The following RALYL variants were observed in gnomAD, a reference collection of about 807,000 sequenced individuals.
RALYL encodes the protein RALY RNA binding protein like.
In RALYL, 29 loss-of-function variants were observed where a neutral mutation model predicts 35.1. That is an observed-to-expected ratio of 0.83 (90% CI 0.61 to 1.13). RALYL has a LOEUF of 1.13. Ranked by LOEUF, RALYL falls within the 50% of genes most tolerant of loss-of-function variation. The pLI is 0.00. For synonymous variants in RALYL, 120 were observed against 127.6 expected (o/e 0.94, Z 0.40); for missense variants, 359 against 360.4 (o/e 1.00, Z 0.03).
At chr8:84,467,336 T>C (rs2051854833) in intron 1 of RALYL, among the ~76,000 whole-genome samples, 1 of 151,676 alleles carries the variant, frequency 6.6e-6, no homozygotes, top group South Asian at 2.1e-4. Flanking sequence ...GATTCTGGTA[T>C]GTTGTGTCTT....
intron 1 of RALYL, among the ~76,000 whole-genome samples, chr8:84,475,182 T>G (rs1007734433): frequency 1.1e-4 from 16 of 152,050 alleles, no homozygotes; most frequent in African/African-American, 3.4e-4. Context: ...GTCCTTGTGA[T>G]AGTTTGCTCA....
chr8:84,823,088 G>A (rs1039194762), intron 4 of RALYL, among the ~76,000 whole-genome samples: 2 of 152,014 alleles, frequency 1.3e-5, no homozygotes, highest in South Asian at 2.1e-4. Context: ...ATTTTAAAAC[G>A]TGTAGCATGT....
At chr8:84,476,977 G>T (rs1194183803) in intron 1 of RALYL, among the ~76,000 whole-genome samples, 1 of 152,086 alleles carries the variant, frequency 6.6e-6, no homozygotes, top group Admixed American at 6.6e-5. Flanking sequence ...ACGTGGCAGA[G>T]AAATAATAAT....
At chr8:84,612,516 A>G (rs1390866735) in intron 2 of RALYL, among the ~76,000 whole-genome samples, 1 of 152,046 alleles carries the variant, frequency 6.6e-6, no homozygotes, top group Non-Finnish European at 1.5e-5. Context: ...GAAAGTGACT[A>G]TGCAAAAGAA....
At chr8:84,285,984 C>G (rs189784734) in intron 1 of RALYL, among the ~76,000 whole-genome samples, 14 of 152,034 alleles carry the variant, frequency 9.2e-5, no homozygotes, top group Non-Finnish European at 2.1e-4. Context: ...TAGTAAGAAA[C>G]GTGAGAAATT....
intron 1 of RALYL, among the ~76,000 whole-genome samples, chr8:84,449,604 C>T (rs1442242157): frequency 6.6e-6 from 1 of 151,992 alleles, no homozygotes; most frequent in Non-Finnish European, 1.5e-5. Flanking sequence ...CTTTCTAAAT[C>T]AGAATTTCTA....
chr8:84,297,123 G>A (rs1006294059), intron 1 of RALYL, among the ~76,000 whole-genome samples: 1 of 151,900 alleles, frequency 6.6e-6, no homozygotes, highest in Non-Finnish European at 1.5e-5. Context: ...TGCCACAGGA[G>A]TATGGTTTAC....
At chr8:84,445,769 C>A (rs1349868613) in intron 1 of RALYL, among the ~76,000 whole-genome samples, 1 of 151,528 alleles carries the variant, frequency 6.6e-6, no homozygotes, top group African/African-American at 2.4e-5. Context: ...CCTCTTGTGA[C>A]AACATCAATG....
chr8:84,184,586 G>A (rs776785511), intron 1 of RALYL, among the ~76,000 whole-genome samples, 162 bp downstream of exon 1: 2 of 152,118 alleles, frequency 1.3e-5, no homozygotes, highest in Non-Finnish European at 2.9e-5. Context: ...AGGGAGCCAG[G>A]GAAAACCAAA....
intron 1 of RALYL, among the ~76,000 whole-genome samples, chr8:84,415,105 A>G (rs2044505640): frequency 6.6e-6 from 1 of 150,920 alleles, no homozygotes; most frequent in Non-Finnish European, 1.5e-5. Flanking sequence ...TACTAGTAGA[A>G]TTGAAATTAG....
chr8:84,645,155 T>G lies in RALYL; in HGVS notation c.256+115578T>G, dbSNP rs928043391. Among the ~76,000 whole-genome samples, 3 of 152,084 alleles carry G rather than the reference T, an allele frequency of 2.0e-5. 1 individual carries two copies. Among genetic ancestry groups the G allele is most frequent in the Non-Finnish European group, 1.5e-5 (1 of 67,998 alleles). On this transcript the variant is annotated intron_variant, in intron 2 of 8. Transcript: ENST00000521268. ...ATACATCCTAATCACATTTAGGATG[T>G]GACTAATATGTTGGGTCTCAATTGT...
intron 2 of RALYL, among the ~76,000 whole-genome samples, chr8:84,647,381 G>C (rs1338656641): frequency 6.6e-6 from 1 of 151,982 alleles, no homozygotes. Flanking sequence ...TAAGATGAAA[G>C]GTCAGAGAAG....
chr8:84,226,908 C>T (rs1181437665), intron 1 of RALYL, among the ~76,000 whole-genome samples: 1 of 151,940 alleles, frequency 6.6e-6, no homozygotes, highest in Non-Finnish European at 1.5e-5. Context: ...TAGTTGATCT[C>T]AGCTGATGTG....
intron 2 of RALYL, among the ~76,000 whole-genome samples, chr8:84,654,559 A>G (rs940527884): frequency 6.6e-6 from 1 of 151,582 alleles, no homozygotes; most frequent in East Asian, 2.0e-4. Context: ...GTACCCATTA[A>G]TCATCCCCAC....
intron 2 of RALYL, among the ~76,000 whole-genome samples, chr8:84,714,484 G>A (rs2132522944): frequency 6.6e-6 from 1 of 151,172 alleles, no homozygotes; most frequent in African/African-American, 2.4e-5. Flanking sequence ...GTACATATAT[G>A]AAAACATTAT....
chr8:84,888,626 T>A (rs1195714099), intron 8 of RALYL, among the ~76,000 whole-genome samples: 1 of 152,210 alleles, frequency 6.6e-6, no homozygotes, highest in East Asian at 1.9e-4. Flanking sequence ...ACTTAACTCA[T>A]TTTGTCATGG....
intron 1 of RALYL, among the ~76,000 whole-genome samples, chr8:84,315,534 T>G (rs1417887713): frequency 6.6e-6 from 1 of 152,048 alleles, no homozygotes; most frequent in Non-Finnish European, 1.5e-5. Context: ...TAGGAAACTT[T>G]CACTGAGTAA....
At chr8:84,275,990 A>C (rs1835301368) in intron 1 of RALYL, among the ~76,000 whole-genome samples, 1 of 151,372 alleles carries the variant, frequency 6.6e-6, no homozygotes, top group Non-Finnish European at 1.5e-5. Flanking sequence ...ACCAGTCTGC[A>C]CTCGGTGGCA....
At chr8:84,780,345 G>A (rs557369086) in intron 3 of RALYL, among the ~76,000 whole-genome samples, 1 of 152,246 alleles carries the variant, frequency 6.6e-6, no homozygotes, top group Non-Finnish European at 1.5e-5. Flanking sequence ...GTCTCTTTCT[G>A]CTCAGGATCC....
Sources: gnomAD v4.1 joint callset for allele counts (sites outside exome capture counted in the v4.1 genomes callset) on GRCh38, gnomAD v4.1.1 for gene constraint, MANE v1.5 for transcripts, NCBI Gene and HGNC (gene_info 2026-07-23, HGNC 2026-07-21) for gene names.